Variants in NCOA2 observed in about 807,000 individuals in gnomAD.
NCOA2 encodes the protein nuclear receptor coactivator 2.
In NCOA2, 21 loss-of-function variants were observed where a neutral mutation model predicts 145.1. The observed-to-expected ratio is 0.14, with a 90% CI of 0.10 to 0.21. NCOA2 has a LOEUF of 0.21. Among genes scored for constraint, NCOA2 ranks in the 10% least tolerant of loss-of-function variants. The pLI is 1.00. For synonymous variants in NCOA2, 619 were observed against 637.5 expected (o/e 0.97, Z 0.44); for missense variants, 1,472 against 1,837.6 (o/e 0.80, Z 3.64).
At chr8:70,398,462 A>AAAT (rs774840164) in intron 1 of NCOA2, among the ~76,000 whole-genome samples, 1 of 152,184 alleles carries the variant, frequency 6.6e-6, no homozygotes, top group Non-Finnish European at 1.5e-5. Context: ...CCATATCTCA[A>AAAT]AATAATAATA....
chr8:70,218,237 A>C (rs1254752045), intron 2 of NCOA2, among the ~76,000 whole-genome samples: 4 of 146,682 alleles, frequency 2.7e-5, no homozygotes, highest in Non-Finnish European at 5.9e-5. Flanking sequence ...ATATGTAAGC[A>C]GAATGAAGAA....
At chr8:70,403,881 C>T (rs1270160608), upstream of NCOA2, 2 of 384,464 alleles carry the variant, frequency 5.2e-6, no homozygotes, top group African/African-American at 2.1e-5. Flanking sequence ...TCCTCCTCCG[C>T]GTCTCCGCAC....
chr8:70,311,690 G>A (rs1240546652), intron 1 of NCOA2, among the ~76,000 whole-genome samples: 1 of 152,152 alleles, frequency 6.6e-6, no homozygotes, highest in African/African-American at 2.4e-5. Flanking sequence ...CAGAACATGC[G>A]TCAGAAGACC....
intron 2 of NCOA2, among the ~76,000 whole-genome samples, chr8:70,263,707 C>T (rs1464730182): frequency 1.3e-5 from 2 of 150,844 alleles, no homozygotes; most frequent in East Asian, 3.9e-4. Flanking sequence ...CCAGCCTGGG[C>T]GGCAGAGTGA....
At chr8:70,252,123 C>T (rs1823239147) in intron 2 of NCOA2, among the ~76,000 whole-genome samples, 1 of 151,980 alleles carries the variant, frequency 6.6e-6, no homozygotes, top group East Asian at 1.9e-4. Context: ...ATTTTTGATC[C>T]ATGGTTAGTT....
chr8:70,442,298 G>A, the NCOA2 span, among the ~76,000 whole-genome samples: 2 of 152,174 alleles, frequency 1.3e-5, no homozygotes, highest in Admixed American at 1.3e-4. Context: ...CATTCTAGAT[G>A]TATAGAAGTA....
intron 6 of NCOA2, among the ~76,000 whole-genome samples, chr8:70,169,698 T>G (rs1482433518): frequency 6.6e-6 from 1 of 152,200 alleles, no homozygotes; most frequent in Non-Finnish European, 1.5e-5. Context: ...TCACACTGCA[T>G]GTCTGTATCA....
At chr8:70,326,701 C>T (rs976711166) in intron 1 of NCOA2, among the ~76,000 whole-genome samples, 1 of 152,106 alleles carries the variant, frequency 6.6e-6, no homozygotes, top group Non-Finnish European at 1.5e-5. Flanking sequence ...GCAAAGTTTA[C>T]TTGACCATTA....
rs1563776017 is a variant in NCOA2, at chr8:70,335,152, A to ATT, written c.-76-38353_-76-38352insAA. The stretch of plus-strand genomic sequence containing the variant: ...AAAAAAAAAAAAAAAAAAAAAAAAA[A>ATT]AGATCTCTCCCTATGACCATTTTCT... On this transcript the variant is annotated intron_variant, in intron 1 of 22. Coordinates refer to ENST00000452400, the MANE Select transcript of NCOA2 (RefSeq NM_006540.4). 9.1e-5 allele frequency among the ~76,000 whole-genome samples: 13 copies of ATT among 142,098 alleles called. No individual in the cohort carries two copies. The East Asian group carries it at 1.6e-3, about 18-fold the overall frequency. 93.2% of individuals were successfully genotyped at this position (142,098 alleles called of 152,430 possible).
intron 1 of NCOA2, among the ~76,000 whole-genome samples, chr8:70,345,263 G>A (rs1042824392): frequency 6.6e-6 from 1 of 152,138 alleles, no homozygotes; most frequent in Non-Finnish European, 1.5e-5. Context: ...ATATCATGCA[G>A]GATTCATAAA....
the NCOA2 span, among the ~76,000 whole-genome samples, chr8:70,439,198 T>C: frequency 4.6e-5 from 7 of 152,308 alleles, no homozygotes; most frequent in African/African-American, 1.7e-4. Flanking sequence ...CCCAGTTATA[T>C]ATGGAGTGCT....
chr8:70,141,874 A>G (rs1810476055), intron 13 of NCOA2, among the ~76,000 whole-genome samples: 1 of 152,208 alleles, frequency 6.6e-6, no homozygotes, highest in Non-Finnish European at 1.5e-5. Flanking sequence ...CCTTCAGGGT[A>G]TACTTCAAAA....
Position 70,110,559 on chromosome 8 carries a change from A to C in NCOA2, c.*3073T>G. ...TAGAAAATTTTAAATTCACACCAAC[A>C]ATTAATGGCTTAAGTTGCATTTCAA... On this transcript the variant is annotated 3_prime_UTR_variant, in exon 23 of 23. Transcript: ENST00000452400. The C allele has an allele frequency of 4.8e-6, 1 of 206,322 alleles. No homozygotes were observed. Among genetic ancestry groups the C allele is most frequent in the East Asian group, 7.5e-5 (1 of 13,350 alleles). The allele number at this position is 206,322 out of a possible 1,614,324, so 12.8% of individuals were successfully genotyped here. A position where few individuals can be genotyped will look rare whatever the true frequency, so the allele number is the denominator to read the frequency against.
chr8:70,346,312 C>T lies in NCOA2; in HGVS notation c.-76-49512G>A, dbSNP rs568047684. Among the ~76,000 whole-genome samples, 14 of 152,320 alleles carry T rather than the reference C, an allele frequency of 9.2e-5. 1 individual carries two copies. In the South Asian group the frequency reaches 2.9e-3, roughly 32 times the overall value. ...TGCAATGGCTTTTAATAACTGTTTG[C>T]AGCCACTGGGTGTAAATATCAAACT... On this transcript the variant is annotated intron_variant, in intron 1 of 22. Coordinates refer to ENST00000452400, the MANE Select transcript of NCOA2 (RefSeq NM_006540.4).
chr8:70,220,529 G>C (rs1227349999), intron 2 of NCOA2, among the ~76,000 whole-genome samples: 1 of 152,154 alleles, frequency 6.6e-6, no homozygotes, highest in Non-Finnish European at 1.5e-5. Flanking sequence ...TGAGCTAGAC[G>C]GTAGGGAAGA....
chr8:70,201,145 C>T (rs549121099), intron 4 of NCOA2, among the ~76,000 whole-genome samples: 4 of 150,504 alleles, frequency 2.7e-5, no homozygotes, highest in African/African-American at 9.8e-5. Flanking sequence ...GAATATTTAC[C>T]ACAACAAAAA....
intron 4 of NCOA2, among the ~76,000 whole-genome samples, chr8:70,185,977 AT>A (rs35025427): frequency 6.1e-4 from 91 of 148,084 alleles, no homozygotes; most frequent in Admixed American, 1.8e-3. Context: ...GGTTCACAGG[AT>A]TTTTTTTTTT....
intron 1 of NCOA2, among the ~76,000 whole-genome samples, chr8:70,394,500 T>C (rs922483160): frequency 1.3e-5 from 2 of 152,242 alleles, no homozygotes; most frequent in Admixed American, 6.5e-5. Flanking sequence ...ATCACACTTG[T>C]ATGAAAAAGC....
chr8:70,407,904 CTTATT>C (rs1814807186), upstream of NCOA2, among the ~76,000 whole-genome samples: 1 of 152,120 alleles, frequency 6.6e-6, no homozygotes, highest in South Asian at 2.1e-4. Flanking sequence ...TCCCCTCAGT[CTTATT>C]TTGTTACTTT....
Sources: allele counts gnomAD v4.1 joint callset (sites outside exome capture counted in the v4.1 genomes callset), GRCh38; gene constraint gnomAD v4.1.1; transcripts MANE v1.5; gene names NCBI Gene and HGNC (gene_info 2026-07-23, HGNC 2026-07-21).